Variants in ADGRF3 observed in about 807,000 individuals in gnomAD.
ADGRF3 encodes adhesion G protein-coupled receptor F3, also known as G protein-coupled receptor 113.
ADGRF3 carries 85 observed loss-of-function variants against 93.2 expected under a neutral mutation model. That is an observed-to-expected ratio of 0.91 (90% CI 0.77 to 1.09). ADGRF3 has a LOEUF of 1.09. ADGRF3 is among the 50% of genes least tolerant of loss of function. The pLI, the probability that ADGRF3 is intolerant of heterozygous loss-of-function variation, is 0.00. For missense variants in ADGRF3, 1,125 were observed against 1,246.2 expected, an observed-to-expected ratio of 0.90 and a Z score of 1.46; for synonymous variants, 534 against 532.5, an observed-to-expected ratio of 1.00 and a Z score of -0.04.
chr2:26,338,194 G>C (rs985706773), intron 1 of ADGRF3, among the ~76,000 whole-genome samples: 1 of 152,050 alleles, frequency 6.6e-6, no homozygotes, highest in Non-Finnish European at 1.5e-5. Flanking sequence ...AAACGGAGAA[G>C]AGAGGTAGAC....
At chr2:26,330,104 G>C (rs555497098) in intron 1 of ADGRF3, among the ~76,000 whole-genome samples, 164 of 152,352 alleles carry the variant, frequency 1.1e-3, no homozygotes, top group African/African-American at 3.8e-3. Flanking sequence ...TCAATCACAA[G>C]TTCTGATCAA....
rs71399385 is a variant in ADGRF3, at chr2:26,336,315, AGT to A, written c.114+9804_114+9805del. ...AATCCTGCATTCTGGGGAGATCAAG[AGT>A]GTGTGTGTGTGTGTGTGTGAGTGTG... On this transcript the variant is annotated intron_variant, in intron 1 of 13. Coordinates refer to ENST00000651242, the MANE Select transcript of ADGRF3 (RefSeq NM_001321971.2). Among the ~76,000 whole-genome samples, 144 of 148,652 alleles carry A rather than the reference AGT, an allele frequency of 9.7e-4. 5 individuals carry two copies. The East Asian group carries it at 0.027, about 28-fold the overall frequency.
Position 26,346,471 on chromosome 2 carries a change from G to A in ADGRF3, c.-237C>T. On this transcript the variant is annotated 5_prime_UTR_variant, in exon 1 of 14. Coordinates refer to ENST00000651242, the MANE Select transcript of ADGRF3 (RefSeq NM_001321971.2). ...GTCGGGGAGCGTGGGAGCATCCTAA[G>A]CCCGCCGCCCGTAGTCGGCACCCCC... is the stretch of plus-strand genomic sequence containing the variant. 2 of 653,246 alleles carry A rather than the reference G, an allele frequency of 3.1e-6. No individual in the cohort carries two copies. The highest frequency in any genetic ancestry group is 2.4e-6 in the Non-Finnish European group (1 of 415,848). The allele number at this position is 653,246 out of a possible 1,614,324, so 40.5% of individuals were successfully genotyped here. A position where few individuals can be genotyped will look rare whatever the true frequency, so the allele number is the denominator to read the frequency against.
intron 1 of ADGRF3, among the ~76,000 whole-genome samples, chr2:26,323,075 G>T (rs1406885886): frequency 6.6e-6 from 1 of 152,050 alleles, no homozygotes; most frequent in Non-Finnish European, 1.5e-5. Context: ...GGAGGCGGAG[G>T]TTGCAGTGAG....
chr2:26,346,316 T>C lies in ADGRF3; in HGVS notation c.-82A>G. ...TACCGCGGGCCGGCGGATGCCCCTC[T>C]CCCTGCTCCCGGCCTCGCCCAGGCG... is the stretch of plus-strand genomic sequence containing the variant. On this transcript the variant is annotated 5_prime_UTR_variant, in exon 1 of 14. Transcript: ENST00000651242. 6.3e-7 allele frequency: 1 copy of C among 1,597,156 alleles called. No homozygotes were observed. Among genetic ancestry groups the C allele is most frequent in the Non-Finnish European group, 8.5e-7 (1 of 1,170,264 alleles).
intron 1 of ADGRF3, among the ~76,000 whole-genome samples, chr2:26,320,295 G>A (rs1223119282): frequency 6.6e-6 from 1 of 152,142 alleles, no homozygotes; most frequent in Non-Finnish European, 1.5e-5. Context: ...TCAGGAGTTC[G>A]AGACCAGCCT....
At chr2:26,326,493 A>C (rs1027432318) in intron 1 of ADGRF3, among the ~76,000 whole-genome samples, 3 of 152,130 alleles carry the variant, frequency 2.0e-5, no homozygotes, top group African/African-American at 4.8e-5. Flanking sequence ...CTGCCAAACC[A>C]TGCAGTAGTG....
intron 2 of ADGRF3, 136 bp from the exon 3 acceptor site, chr2:26,317,191 T>A: frequency 1.1e-6 from 1 of 917,524 alleles, no homozygotes; most frequent in Non-Finnish European, 1.6e-6. Flanking sequence ...CAGGTGCATA[T>A]AGACAGGGCT....
chr2:26,341,136 T>C (rs1335080720), intron 1 of ADGRF3, among the ~76,000 whole-genome samples: 1 of 152,112 alleles, frequency 6.6e-6, no homozygotes, highest in Admixed American at 6.5e-5. Flanking sequence ...CCCAGCACTT[T>C]GTGTGGCCAA....
intron 1 of ADGRF3, among the ~76,000 whole-genome samples, chr2:26,325,097 C>CTGGTTGCTACCAAGCTG (rs1252617103): frequency 1.1e-4 from 16 of 152,264 alleles, no homozygotes; most frequent in Admixed American, 7.2e-4. Flanking sequence ...AGGATTTCTG[C>CTGGTTGCTACCAAGCTG]TGGTTGCTAC....
At chr2:26,316,683 G>T (rs1674710152) in intron 3 of ADGRF3, among the ~76,000 whole-genome samples, 1 of 152,196 alleles carries the variant, frequency 6.6e-6, no homozygotes, top group South Asian at 2.1e-4. Context: ...GGCCCACGTT[G>T]TCTGTCCCTT....
chr2:26,320,871 T>A (rs1239353485), intron 1 of ADGRF3, among the ~76,000 whole-genome samples: 1 of 152,166 alleles, frequency 6.6e-6, no homozygotes, highest in Admixed American at 6.5e-5. Context: ...TAAATATATG[T>A]TATATATATT....
At chr2:26,317,595 C>G in intron 1 of ADGRF3, 33 bp from the exon 2 acceptor site, 2 of 1,553,328 alleles carry the variant, frequency 1.3e-6, no homozygotes, top group Non-Finnish European at 1.7e-6. Context: ...GACCTCAAGT[C>G]CCTTCCAAAG....
intron 1 of ADGRF3, among the ~76,000 whole-genome samples, chr2:26,325,994 A>C (rs1320519769): frequency 1.3e-5 from 2 of 152,242 alleles, no homozygotes; most frequent in Non-Finnish European, 2.9e-5. Context: ...CCATGAAAGA[A>C]GAACAATTTT....
intron 1 of ADGRF3, among the ~76,000 whole-genome samples, chr2:26,329,775 A>G (rs1675658980): frequency 6.6e-6 from 1 of 152,154 alleles, no homozygotes. Context: ...GTTCTTCTTT[A>G]TATTTTCTAT....
At chr2:26,331,722 A>G (rs1268995443) in intron 1 of ADGRF3, among the ~76,000 whole-genome samples, 1 of 152,176 alleles carries the variant, frequency 6.6e-6, no homozygotes, top group East Asian at 1.9e-4. Flanking sequence ...AGTGAGACCA[A>G]TCTTTAAAAT....
At chr2:26,312,376 G>C (rs1674249597) in intron 9 of ADGRF3, among the ~76,000 whole-genome samples, 1 of 152,206 alleles carries the variant, frequency 6.6e-6, no homozygotes. Flanking sequence ...GTTCTAAGAG[G>C]GGACTTCTCC....
Position 26,310,925 on chromosome 2 carries a change from C to T in ADGRF3, c.2599G>A (p.Ala867Thr), listed in dbSNP as rs1456679209. The T allele has an allele frequency of 6.2e-7, 1 of 1,613,192 alleles. No individual in the cohort carries two copies. The highest frequency in any genetic ancestry group is 8.5e-7 in the Non-Finnish European group (1 of 1,179,504). Reference sequence around the variant, plus strand: ...ACCAGCCCATTCACGCCTATGATGGCCAGCACTGGCCCCACGAAGGTGTAT... The same window carrying T: ...ACCAGCCCATTCACGCCTATGATGGTCAGCACTGGCCCCACGAAGGTGTAT... Reference protein sequence around the residue: ...ALYTFVGPVLAIIGVNGLVLA... With the variant: ...ALYTFVGPVLTIIGVNGLVLA... The change falls in exon 10 of 14, where the codon GCC (alanine) becomes ACC (threonine). Residue 867 changes from alanine (A) to threonine (T), a missense_variant. Transcript: ENST00000651242.
chr2:26,313,193 C>T, intron 8 of ADGRF3, 71 bp from the exon 9 acceptor site: 1 of 1,566,630 alleles, frequency 6.4e-7, no homozygotes, highest in Non-Finnish European at 8.7e-7. Context: ...ATCCCAGACC[C>T]ATGGAGATTG....
Sources: gnomAD v4.1 joint callset for allele counts (sites outside exome capture counted in the v4.1 genomes callset) on GRCh38, gnomAD v4.1.1 for gene constraint, MANE v1.5 for transcripts, NCBI Gene and HGNC (gene_info 2026-07-23, HGNC 2026-07-21) for gene names.